The following CNTNAP2 variants were observed in gnomAD, a reference collection of about 807,000 sequenced individuals.
The protein encoded by CNTNAP2 is contactin associated protein 2.
In CNTNAP2, 98 loss-of-function variants were observed where a neutral mutation model predicts 155.2. That is an observed-to-expected ratio of 0.63 (90% CI 0.54 to 0.75). CNTNAP2 has a LOEUF of 0.75. Ranked by LOEUF, CNTNAP2 falls within the 30% of genes least tolerant of loss-of-function variation. The pLI, the probability that CNTNAP2 is intolerant of heterozygous loss-of-function variation, is 0.00. For missense variants in CNTNAP2, 1,727 were observed against 1,688.1 expected (o/e 1.02, Z -0.40); for synonymous variants, 651 against 631.2 (o/e 1.03, Z -0.47).
At chr7:148,072,743 T>C (rs1803405083) in intron 15 of CNTNAP2, among the ~76,000 whole-genome samples, 1 of 152,214 alleles carries the variant, frequency 6.6e-6, no homozygotes, top group Admixed American at 6.5e-5. Context: ...CATCTCACTC[T>C]GTAGCCCAGA....
chr7:146,637,846 A>C (rs894758579), intron 1 of CNTNAP2, among the ~76,000 whole-genome samples: 1 of 152,230 alleles, frequency 6.6e-6, no homozygotes, highest in Admixed American at 6.5e-5. Context: ...TAATTTTAAA[A>C]TCAGTATTAA....
At chr7:147,374,550 A>T (rs1238233342) in intron 9 of CNTNAP2, among the ~76,000 whole-genome samples, 2 of 152,046 alleles carry the variant, frequency 1.3e-5, no homozygotes, top group African/African-American at 4.8e-5. Context: ...TGTGCATATC[A>T]TACTGTAAAG....
At chr7:146,929,840 T>G (rs186939590) in intron 3 of CNTNAP2, among the ~76,000 whole-genome samples, 2 of 151,730 alleles carry the variant, frequency 1.3e-5, no homozygotes, top group African/African-American at 2.4e-5. Flanking sequence ...AGGGTATCAG[T>G]GATGGAAGAT....
At chr7:148,046,798 T>C (rs1802783110) in intron 15 of CNTNAP2, among the ~76,000 whole-genome samples, 2 of 152,372 alleles carry the variant, frequency 1.3e-5, no homozygotes, top group South Asian at 4.1e-4. Flanking sequence ...ATATAATCTC[T>C]ATTAATGTAG....
At chr7:148,241,899 A>C (rs1796164563) in intron 20 of CNTNAP2, among the ~76,000 whole-genome samples, 1 of 152,158 alleles carries the variant, frequency 6.6e-6, no homozygotes, top group Non-Finnish European at 1.5e-5. Context: ...AAATGTGTTT[A>C]CTTCGTTTTA....
At chr7:146,836,592 T>C (rs1803622351) in intron 2 of CNTNAP2, among the ~76,000 whole-genome samples, 1 of 152,192 alleles carries the variant, frequency 6.6e-6, no homozygotes, top group Non-Finnish European at 1.5e-5. Context: ...CATATCTGAC[T>C]TCCACATTTA....
intron 1 of CNTNAP2, among the ~76,000 whole-genome samples, chr7:146,452,665 A>T (rs1796500900): frequency 6.6e-6 from 1 of 152,214 alleles, no homozygotes; most frequent in Non-Finnish European, 1.5e-5. Flanking sequence ...CTCAGAGATA[A>T]TAAAAGCCAT....
intron 3 of CNTNAP2, among the ~76,000 whole-genome samples, chr7:147,025,641 A>G (rs1798904495): frequency 6.6e-6 from 1 of 151,914 alleles, no homozygotes; most frequent in Non-Finnish European, 1.5e-5. Context: ...TACATATCCA[A>G]ACTGTATCAT....
chr7:146,389,303 T>A (rs1461360812), intron 1 of CNTNAP2, among the ~76,000 whole-genome samples: 1 of 152,100 alleles, frequency 6.6e-6, no homozygotes, highest in Non-Finnish European at 1.5e-5. Flanking sequence ...AAAGAGGACA[T>A]CTGTGTTTTA....
chr7:147,803,311 G>A (rs990792546), intron 13 of CNTNAP2, among the ~76,000 whole-genome samples: 1 of 152,144 alleles, frequency 6.6e-6, no homozygotes, highest in Non-Finnish European at 1.5e-5. Flanking sequence ...TGCTCTTGGG[G>A]GACAGGGTCC....
rs549928365 is a variant in CNTNAP2, at chr7:146,834,734, C to A, written c.209-4977C>A. On this transcript the variant is annotated intron_variant, in intron 2 of 23. Coordinates refer to ENST00000361727, the MANE Select transcript of CNTNAP2 (RefSeq NM_014141.6). Reference sequence around the variant, plus strand: ...AGAGTTTATGACTGTTCAGCATCTCCACTTCTTCTAACTCCTCTTTGACGT... The same window carrying A: ...AGAGTTTATGACTGTTCAGCATCTCAACTTCTTCTAACTCCTCTTTGACGT... Among the ~76,000 whole-genome samples the A allele has an allele frequency of 8.5e-5, 13 of 152,276 alleles. No individual in the cohort carries two copies. The South Asian group carries it at 2.5e-3, about 29-fold the overall frequency.
intron 13 of CNTNAP2, among the ~76,000 whole-genome samples, chr7:147,733,828 G>T (rs1407889298): frequency 1.3e-5 from 2 of 152,106 alleles, no homozygotes; most frequent in Non-Finnish European, 2.9e-5. Context: ...TCTGTTATTG[G>T]TGTATAAGAA....
At chr7:146,230,332 G>C (rs1419769731) in intron 1 of CNTNAP2, among the ~76,000 whole-genome samples, 1 of 152,082 alleles carries the variant, frequency 6.6e-6, no homozygotes, top group Non-Finnish European at 1.5e-5. Context: ...AAATGTCACT[G>C]AACAAACTTA....
At chr7:146,196,405 A>G (rs1798775760) in intron 1 of CNTNAP2, among the ~76,000 whole-genome samples, 1 of 152,190 alleles carries the variant, frequency 6.6e-6, no homozygotes, top group African/African-American at 2.4e-5. Context: ...AGAGGTAGAA[A>G]GAAATGAGCA....
intron 5 of CNTNAP2, among the ~76,000 whole-genome samples, chr7:147,118,345 T>C (rs1222772539): frequency 6.6e-6 from 1 of 151,876 alleles, no homozygotes; most frequent in Non-Finnish European, 1.5e-5. Context: ...AGTCCAAATA[T>C]GTAATTTGCA....
intron 1 of CNTNAP2, among the ~76,000 whole-genome samples, chr7:146,306,881 A>G (rs959464695): frequency 1.3e-5 from 2 of 152,180 alleles, no homozygotes; most frequent in Non-Finnish European, 2.9e-5. Flanking sequence ...ATCATACTGA[A>G]TGGGCAAAAA....
chr7:146,449,128 G>GT, intron 1 of CNTNAP2, among the ~76,000 whole-genome samples: 1 of 151,962 alleles, frequency 6.6e-6, no homozygotes, highest in East Asian at 1.9e-4. Flanking sequence ...ATCCTATTGA[G>GT]TTTTTTATTT....
chr7:148,109,533 C>T (rs1031713671), intron 15 of CNTNAP2, among the ~76,000 whole-genome samples: 1 of 152,072 alleles, frequency 6.6e-6, no homozygotes, highest in Non-Finnish European at 1.5e-5. Context: ...TACAGGCATG[C>T]ACCATCATGC....
intron 3 of CNTNAP2, among the ~76,000 whole-genome samples, chr7:146,840,481 A>G (rs556974786): frequency 1.1e-3 from 169 of 152,302 alleles, no homozygotes; most frequent in Non-Finnish European, 2.0e-3. Context: ...CCACATAATA[A>G]TTTGAATAAA....
Sources: gnomAD v4.1 joint callset for allele counts (sites outside exome capture counted in the v4.1 genomes callset) on GRCh38, gnomAD v4.1.1 for gene constraint, MANE v1.5 for transcripts, NCBI Gene and HGNC (gene_info 2026-07-23, HGNC 2026-07-21) for gene names.